The following CFAP54 variants were observed in gnomAD, a reference collection of about 807,000 sequenced individuals.
CFAP54 encodes the protein cilia- and flagella-associated protein 54.
A neutral mutation model predicts 370.4 loss-of-function variants in CFAP54; 290 were observed. The observed-to-expected ratio is 0.78, with a 90% CI of 0.71 to 0.86. The LOEUF (loss-of-function observed/expected upper bound fraction) is 0.86. Ranked by LOEUF, CFAP54 falls within the 40% of genes least tolerant of loss-of-function variation. The pLI is 0.00. For missense variants in CFAP54, 3,399 were observed against 3,528.7 expected (o/e 0.96, Z 0.93); for synonymous variants, 1,206 against 1,236.5 (o/e 0.98, Z 0.52).
intron 19 of CFAP54, among the ~76,000 whole-genome samples, chr12:96,570,812 T>C (rs1490009714): frequency 6.6e-6 from 1 of 152,250 alleles, no homozygotes; most frequent in Non-Finnish European, 1.5e-5. Flanking sequence ...TCTTTCACTT[T>C]AAGCACTCTG....
At chr12:96,722,608 G>A (rs1022210679) in intron 50 of CFAP54, among the ~76,000 whole-genome samples, 1 of 152,176 alleles carries the variant, frequency 6.6e-6, no homozygotes, top group Non-Finnish European at 1.5e-5. Flanking sequence ...GGAGTTTTGA[G>A]CAGAGGAGTG....
chr12:96,862,548 G>T (rs1328636456), intron 67 of CFAP54, among the ~76,000 whole-genome samples: 2 of 152,110 alleles, frequency 1.3e-5, no homozygotes, highest in Non-Finnish European at 2.9e-5. Context: ...AATGAATGAT[G>T]GCCTGGCCTC....
intron 1 of CFAP54, among the ~76,000 whole-genome samples, chr12:96,497,532 GCATTTTAAAATCAACTC>G (rs1465171648): frequency 2.0e-5 from 3 of 152,102 alleles, no homozygotes; most frequent in Non-Finnish European, 2.9e-5. Context: ...CAGAGTAATG[GCATTTTAAAATCAACTC>G]CATTTTAAAA....
At chr12:96,787,320 T>C (rs1052886382) in intron 62 of CFAP54, among the ~76,000 whole-genome samples, 20 of 135,638 alleles carry the variant, frequency 1.5e-4, no homozygotes, top group African/African-American at 5.1e-4. Context: ...CCTTTTGCAA[T>C]TGTGAGTGTA....
At chr12:96,675,653 G>T (rs2136541227) in intron 39 of CFAP54, among the ~76,000 whole-genome samples, 1 of 152,230 alleles carries the variant, frequency 6.6e-6, no homozygotes, top group Non-Finnish European at 1.5e-5. Flanking sequence ...GTTTATCGCA[G>T]CACTATTCAC....
intron 66 of CFAP54, among the ~76,000 whole-genome samples, chr12:96,855,105 G>T (rs1959662783): frequency 6.6e-6 from 1 of 152,056 alleles, no homozygotes; most frequent in Non-Finnish European, 1.5e-5. Context: ...TGGGGAAAAG[G>T]CCCTGATAAA....
intron 55 of CFAP54, among the ~76,000 whole-genome samples, chr12:96,749,290 G>A (rs1401141942): frequency 2.0e-5 from 3 of 152,236 alleles, no homozygotes; most frequent in African/African-American, 7.2e-5. Context: ...ACGAGGACAA[G>A]TCTGTCTTCT....
intron 45 of CFAP54, among the ~76,000 whole-genome samples, chr12:96,698,780 G>A (rs536648874): frequency 3.5e-4 from 54 of 152,196 alleles, no homozygotes; most frequent in Middle Eastern, 3.4e-3. Context: ...GGTTCTTGGC[G>A]TTTTGAACAA....
chr12:96,613,217 A>T (rs190866809), intron 26 of CFAP54, among the ~76,000 whole-genome samples: 59 of 152,322 alleles, frequency 3.9e-4, no homozygotes, highest in African/African-American at 1.3e-3. Flanking sequence ...TTAAAAACTC[A>T]CTCAAAACTG....
At position 96,676,235 on chromosome 12, in the gene CFAP54, A is replaced by G. The variant is rs115787703; in HGVS notation, c.5564-3365A>G. Among the ~76,000 whole-genome samples, 720 of 152,262 alleles carry G rather than the reference A, an allele frequency of 4.7e-3. 4 individuals are homozygous for G. The highest frequency in any genetic ancestry group is 0.016 in the African/African-American group (682 of 41,540). On this transcript the variant is annotated intron_variant, in intron 39 of 67. Transcript: ENST00000524981. ...AGCCATCCTGATTTTGGTGAGAGGGATGCTCTGGAAATAAATAGGACAGGG... is the reference window on the plus strand; with the variant it reads ...AGCCATCCTGATTTTGGTGAGAGGGGTGCTCTGGAAATAAATAGGACAGGG...
chr12:96,690,888 T>C (rs979017352), intron 43 of CFAP54, among the ~76,000 whole-genome samples: 2 of 152,164 alleles, frequency 1.3e-5, no homozygotes, highest in Admixed American at 1.3e-4. Flanking sequence ...ATAATGATAA[T>C]TTCTTTGAAA....
Position 96,626,854 on chromosome 12 carries a change from A to T in CFAP54, c.4018A>T (p.Thr1340Ser). 1 of 1,418,190 alleles carries T rather than the reference A, an allele frequency of 7.1e-7. No homozygotes were observed. The highest frequency in any genetic ancestry group is 9.3e-7 in the Non-Finnish European group (1 of 1,072,582). 87.9% of individuals were successfully genotyped at this position (1,418,190 alleles called of 1,614,324 possible). The change falls in exon 30 of 68, where the codon ACA becomes TCA. Residue 1340 changes from threonine to serine, a missense_variant. By Grantham distance (58) the Thr-to-Ser change is moderately conservative. Coordinates refer to ENST00000524981, the MANE Select transcript of CFAP54 (RefSeq NM_001306084.2). ...KQKPRFLEFFTQVMLKCMNEE... is the reference protein window; with the variant it reads ...KQKPRFLEFFSQVMLKCMNEE... ...AAAACCAAGATTTCTGGAATTCTTT[A>T]CACAAGTTATGCTAAAATGCATGAA...
In CFAP54 at chr12:96,626,890, T is replaced by C. The variant is rs372792082; in HGVS notation, c.4054T>C (p.Phe1352Leu). The C allele has an allele frequency of 3.5e-6, 5 of 1,434,870 alleles. No homozygotes were observed. Among genetic ancestry groups the C allele is most frequent in the Non-Finnish European group, 4.6e-6 (5 of 1,086,390 alleles). 88.9% of individuals were successfully genotyped at this position (1,434,870 alleles called of 1,614,324 possible). ...VMLKCMNEEK[F>L]HLMVEVTTPV... ...GCTAAAATGCATGAATGAGGAAAAA[T>C]TTCATCTTATGGTAGAGGTAACAAC... Residue 1352 changes from phenylalanine (F) to leucine (L), a missense_variant, in exon 30 of 68, where the codon TTT (phenylalanine) becomes CTT (leucine). By Grantham distance (22) the Phe-to-Leu change is conservative (BLOSUM62 0). This residue lies in a region of CFAP54 where 2,796 missense variants were observed against 2,869.7 expected (regional missense o/e 0.97). Coordinates refer to ENST00000524981, the MANE Select transcript of CFAP54 (RefSeq NM_001306084.2).
intron 60 of CFAP54, among the ~76,000 whole-genome samples, chr12:96,782,322 C>T (rs889059410): frequency 6.6e-6 from 1 of 151,804 alleles, no homozygotes; most frequent in East Asian, 1.9e-4. Context: ...TCCTACCCTG[C>T]ACAATAATAT....
In CFAP54 at chr12:96,693,754, T is replaced by C. The variant is rs769194699; in HGVS notation, c.6297T>C (p.Phe2099=). 1 of 1,601,904 alleles carries C rather than the reference T, an allele frequency of 6.2e-7. No individual in the cohort carries two copies. The highest frequency in any genetic ancestry group is 1.1e-5 in the South Asian group (1 of 90,252). The change falls in exon 45 of 68, where the codon TTT becomes TTC. Residue 2099 remains phenylalanine (F), a synonymous_variant. Transcript: ENST00000524981. ...VLPLLALYQY[F]VSGICQDITR... ...CTCTCCTTGCATTGTATCAATATTT[T>C]GTTTCTGGAATTTGTCAAGACATAA...
At chr12:96,772,857 G>GAC (rs1958477996) in intron 60 of CFAP54, among the ~76,000 whole-genome samples, 1 of 152,090 alleles carries the variant, frequency 6.6e-6, no homozygotes, top group South Asian at 2.1e-4. Flanking sequence ...TGACCCACAT[G>GAC]CCTCAGCTTC....
chr12:96,860,174 C>G (rs1239113430), intron 66 of CFAP54, among the ~76,000 whole-genome samples: 1 of 145,632 alleles, frequency 6.9e-6, no homozygotes, highest in East Asian at 2.0e-4. Context: ...AGGATTCAGA[C>G]CCACAAGGCT....
At chr12:96,699,073 T>C (rs1433130683) in intron 45 of CFAP54, among the ~76,000 whole-genome samples, 1 of 152,098 alleles carries the variant, frequency 6.6e-6, no homozygotes, top group Non-Finnish European at 1.5e-5. Context: ...AACCAGAGAC[T>C]GAAGTAAGTT....
intron 14 of CFAP54, among the ~76,000 whole-genome samples, chr12:96,544,390 C>A (rs577448795): frequency 4.7e-4 from 70 of 150,446 alleles, no homozygotes; most frequent in African/African-American, 1.5e-3. Flanking sequence ...GCCTCCGAAG[C>A]AGTCCTCAGA....
Sources: gnomAD v4.1 joint callset for allele counts (sites outside exome capture counted in the v4.1 genomes callset) on GRCh38, gnomAD v4.1.1 for gene constraint, gnomAD v4.1.1 regional missense constraint, MANE v1.5 for transcripts, NCBI Gene and HGNC (gene_info 2026-07-23, HGNC 2026-07-21) for gene names.